The following RUNDC3B variants were observed in gnomAD, a reference collection of about 807,000 sequenced individuals.
RUNDC3B encodes RUN domain-containing protein 3B.
Under a neutral mutation model 58.4 loss-of-function variants are expected in RUNDC3B, and 33 were observed. The observed-to-expected ratio is 0.56, with a 90% CI of 0.43 to 0.75. The LOEUF (loss-of-function observed/expected upper bound fraction) is 0.75, where lower values mean the gene tolerates loss of function less well. Ranked by LOEUF, RUNDC3B falls within the 30% of genes least tolerant of loss-of-function variation. RUNDC3B has a pLI of 0.00. For missense variants in RUNDC3B, 501 were observed against 535.7 expected (o/e 0.94, Z 0.64); for synonymous variants, 193 against 195.2 (o/e 0.99, Z 0.10).
intron 6 of RUNDC3B, among the ~76,000 whole-genome samples, chr7:87,753,337 A>G (rs1364524983): frequency 3.9e-5 from 6 of 151,958 alleles, no homozygotes; most frequent in East Asian, 3.9e-4. Flanking sequence ...GTGCTGAAAA[A>G]AATGTATATT....
chr7:87,726,642 G>T (rs962157054), intron 4 of RUNDC3B, among the ~76,000 whole-genome samples: 3 of 152,160 alleles, frequency 2.0e-5, no homozygotes, highest in Non-Finnish European at 2.9e-5. Context: ...GTCATTGGTA[G>T]CTTGATGGGG....
rs570921985 is a variant in RUNDC3B at position 87,632,132 on chromosome 7, A to C, written c.122+3187A>C. On this transcript the variant is annotated intron_variant, in intron 1 of 10. Transcript: ENST00000394654. ...AAAACCAAAAAAAAAAAAAGTCACC[A>C]GCATATATCATTCTAGTGTATCCAC... is the stretch of plus-strand genomic sequence containing the variant. 3.6e-3 allele frequency among the ~76,000 whole-genome samples: 542 copies of C among 151,432 alleles called. 5 individuals are homozygous for C. The highest frequency in any genetic ancestry group is 5.1e-3 in the Admixed American group (77 of 15,198).
intron 10 of RUNDC3B, among the ~76,000 whole-genome samples, chr7:87,826,528 A>G (rs1207004567): frequency 6.6e-6 from 1 of 152,014 alleles, no homozygotes; most frequent in Non-Finnish European, 1.5e-5. Context: ...TAAAACACTG[A>G]AGAAAAATGG....
chr7:87,761,447 T>A (rs1180454116), intron 6 of RUNDC3B, among the ~76,000 whole-genome samples: 1 of 151,928 alleles, frequency 6.6e-6, no homozygotes, highest in Non-Finnish European at 1.5e-5. Context: ...ACCACATGAT[T>A]CTGAAATTCT....
At chr7:87,822,967 A>C (rs890689928) in intron 10 of RUNDC3B, among the ~76,000 whole-genome samples, 3 of 152,164 alleles carry the variant, frequency 2.0e-5, no homozygotes, top group Admixed American at 6.5e-5. Flanking sequence ...GCAGCACACC[A>C]ACATGGCACA....
At position 87,730,968 on chromosome 7, in the gene RUNDC3B, G is replaced by C. The variant is rs1831541052; in HGVS notation, c.459-8823G>C. Among the ~76,000 whole-genome samples the C allele has an allele frequency of 3.3e-5, 5 of 152,140 alleles. No homozygotes were observed. The South Asian group carries it at 1.0e-3, about 32-fold the overall frequency. ...CCCATATCTTACCTAAGAGCACCAA[G>C]ACAGTACCTGTATAAGTCTGAAAGA... On this transcript the variant is annotated intron_variant, in intron 4 of 10. Coordinates refer to ENST00000394654, the MANE Select transcript of RUNDC3B (RefSeq NM_001134405.2).
intron 8 of RUNDC3B, among the ~76,000 whole-genome samples, chr7:87,798,990 C>T (rs999247879): frequency 1.3e-5 from 2 of 152,012 alleles, no homozygotes; most frequent in African/African-American, 2.4e-5. Flanking sequence ...GAAAATAACA[C>T]GAATGAAGAA....
In RUNDC3B at chr7:87,770,587, T is replaced by C. The variant is rs1042608086; in HGVS notation, c.636T>C (p.Asp212=). The part of the protein sequence containing the change: ...TPYLKYIQSS[D]SISSDEEELR... The stretch of plus-strand genomic sequence containing the variant: ...AAAATTTTGATCTTCCCAGTTCTGA[T>C]AGTATCAGCAGTGATGAGGAGGAGC... Residue 212 remains aspartate (D), a synonymous_variant, in exon 7 of 11, where the codon GAT becomes GAC. Transcript: ENST00000394654. 3 of 1,612,456 alleles carry C rather than the reference T, an allele frequency of 1.9e-6. No homozygotes were observed. The highest frequency in any genetic ancestry group is 4.5e-5 in the East Asian group (2 of 44,846).
At chr7:87,675,672 A>G (rs1471194979) in intron 2 of RUNDC3B, among the ~76,000 whole-genome samples, 4 of 144,358 alleles carry the variant, frequency 2.8e-5, no homozygotes, top group Non-Finnish European at 6.1e-5. Context: ...AAAAAAAAAA[A>G]GGAAAAAGAA....
At chr7:87,727,166 A>T (rs559961230) in intron 4 of RUNDC3B, among the ~76,000 whole-genome samples, 51 of 152,292 alleles carry the variant, frequency 3.3e-4, no homozygotes, top group Non-Finnish European at 2.8e-4. Flanking sequence ...GTCTTGTGCC[A>T]GTTTTCAAAG....
chr7:87,679,770 T>TA (rs1462851336), intron 2 of RUNDC3B, among the ~76,000 whole-genome samples: 1 of 150,200 alleles, frequency 6.7e-6, no homozygotes, highest in African/African-American at 2.5e-5. Flanking sequence ...AGTGGAACAT[T>TA]AAAAAAGATC....
chr7:87,665,419 G>A lies in RUNDC3B; in HGVS notation c.238+14482G>A, dbSNP rs577411243. 2.7e-4 allele frequency among the ~76,000 whole-genome samples: 41 copies of A among 152,148 alleles called. No homozygotes were observed. The South Asian group carries it at 8.5e-3, about 32-fold the overall frequency. On this transcript the variant is annotated intron_variant, in intron 2 of 10. Transcript: ENST00000394654. Reference sequence around the variant, plus strand: ...TGTACACTGAAAGTTACTAAACATTGATTAAATAAATTGTAGAAGACACAA... The same window carrying A: ...TGTACACTGAAAGTTACTAAACATTAATTAAATAAATTGTAGAAGACACAA...
intron 2 of RUNDC3B, 59 bp from the exon 3 acceptor site, chr7:87,700,362 T>G (rs1828920953): frequency 7.2e-7 from 1 of 1,386,268 alleles, no homozygotes; most frequent in Non-Finnish European, 9.8e-7. Flanking sequence ...GTTCTTGCAT[T>G]TTCAAGTCTA....
intron 4 of RUNDC3B, among the ~76,000 whole-genome samples, chr7:87,737,506 A>G (rs574690180): frequency 1.1e-4 from 17 of 152,284 alleles, no homozygotes; most frequent in African/African-American, 4.1e-4. Flanking sequence ...TACCTCTTTC[A>G]TACACATGAA....
intron 9 of RUNDC3B, 94 bp downstream of exon 9, chr7:87,807,613 CTTA>C: frequency 4.5e-6 from 4 of 885,722 alleles, no homozygotes; most frequent in South Asian, 3.0e-5. Flanking sequence ...TCTTTCTGAA[CTTA>C]TTATTATCTT....
At chr7:87,759,424 G>A (rs1001598199) in intron 6 of RUNDC3B, among the ~76,000 whole-genome samples, 7 of 152,062 alleles carry the variant, frequency 4.6e-5, no homozygotes, top group African/African-American at 1.7e-4. Flanking sequence ...AGCCCAATGG[G>A]TGACTGTAGT....
intron 2 of RUNDC3B, among the ~76,000 whole-genome samples, chr7:87,653,727 T>A (rs2130393588): frequency 6.6e-6 from 1 of 152,172 alleles, no homozygotes; most frequent in Non-Finnish European, 1.5e-5. Flanking sequence ...TTTTCCCAAG[T>A]TCCCTCTTTT....
At chr7:87,741,960 A>G (rs924071316) in intron 6 of RUNDC3B, among the ~76,000 whole-genome samples, 5 of 152,194 alleles carry the variant, frequency 3.3e-5, no homozygotes, top group Non-Finnish European at 5.9e-5. Flanking sequence ...CATTTTATGC[A>G]TATCAATTTT....
intron 10 of RUNDC3B, among the ~76,000 whole-genome samples, chr7:87,824,116 CATAAA>C (rs1344367672): frequency 1.3e-5 from 2 of 152,208 alleles, no homozygotes; most frequent in Middle Eastern, 3.4e-3. Context: ...TTGATACTTT[CATAAA>C]ATAAAATCAT....
Sources: gnomAD v4.1 joint callset for allele counts (sites outside exome capture counted in the v4.1 genomes callset) on GRCh38, gnomAD v4.1.1 for gene constraint, MANE v1.5 for transcripts, NCBI Gene and HGNC (gene_info 2026-07-23, HGNC 2026-07-21) for gene names.